NKAIN2: variants seen among roughly 807,000 people sequenced by gnomAD.
NKAIN2 encodes sodium/potassium transporting ATPase interacting 2, also known as sodium/potassium-transporting ATPase subunit beta-1-interacting protein 2.
Under a neutral mutation model 32.6 loss-of-function variants are expected in NKAIN2, and 14 were observed. The ratio of observed to expected loss-of-function variants is 0.43; its 90% CI spans 0.28 to 0.67. NKAIN2 has a LOEUF of 0.67. Ranked by LOEUF, NKAIN2 falls within the 30% of genes least tolerant of loss-of-function variation. The pLI is 0.17. For synonymous variants in NKAIN2, 80 were observed against 87.2 expected, an observed-to-expected ratio of 0.92 and a Z score of 0.46; for missense variants, 198 against 258.3, an observed-to-expected ratio of 0.77 and a Z score of 1.60.
At chr6:124,475,052 A>G (rs1003502129) in intron 3 of NKAIN2, among the ~76,000 whole-genome samples, 1 of 151,690 alleles carries the variant, frequency 6.6e-6, no homozygotes. Flanking sequence ...ATATAAAGTA[A>G]TGCATTGGTT....
At chr6:124,372,069 T>C (rs151295162) in intron 3 of NKAIN2, among the ~76,000 whole-genome samples, 14 of 152,158 alleles carry the variant, frequency 9.2e-5, no homozygotes, top group Non-Finnish European at 2.1e-4. Flanking sequence ...AGTAAAACAA[T>C]TACATATTTA....
intron 2 of NKAIN2, among the ~76,000 whole-genome samples, chr6:124,292,312 C>T (rs2753153): frequency 0.27 from 40,609 of 151,880 alleles, 6,888 homozygotes; most frequent in African/African-American, 0.48. Flanking sequence ...CTGGCAATTG[C>T]TTCATTCTGC....
At chr6:123,840,816 A>T (rs970457414) in intron 1 of NKAIN2, among the ~76,000 whole-genome samples, 1 of 152,154 alleles carries the variant, frequency 6.6e-6, no homozygotes. Flanking sequence ...CATTAATTAC[A>T]CTTGATATTT....
chr6:123,998,431 A>G (rs937956673), intron 1 of NKAIN2, among the ~76,000 whole-genome samples: 2 of 152,170 alleles, frequency 1.3e-5, no homozygotes, highest in African/African-American at 2.4e-5. Context: ...GCTCATGCCA[A>G]TTTGGTTCCC....
chr6:124,128,271 A>G (rs1306075000), intron 1 of NKAIN2, among the ~76,000 whole-genome samples: 1 of 152,110 alleles, frequency 6.6e-6, no homozygotes, highest in Non-Finnish European at 1.5e-5. Flanking sequence ...TGCAGTTGAA[A>G]TTTTCTGATG....
intron 1 of NKAIN2, among the ~76,000 whole-genome samples, chr6:124,261,939 G>A (rs999216155): frequency 2.0e-5 from 3 of 151,856 alleles, no homozygotes; most frequent in African/African-American, 7.3e-5. Flanking sequence ...TTCAGGCTGG[G>A]TTGAGGGTCT....
chr6:124,505,939 C>A (rs963434528), intron 3 of NKAIN2, among the ~76,000 whole-genome samples: 1 of 151,884 alleles, frequency 6.6e-6, no homozygotes, highest in Non-Finnish European at 1.5e-5. Flanking sequence ...TTTGGGAGGC[C>A]GAGGCAGGCA....
chr6:123,851,335 C>T (rs1032388582), intron 1 of NKAIN2, among the ~76,000 whole-genome samples: 6 of 148,380 alleles, frequency 4.0e-5, no homozygotes, highest in East Asian at 2.0e-4. Context: ...CTACAACCTC[C>T]GCCTCCTAGG....
chr6:124,349,497 T>A (rs1041733302), intron 2 of NKAIN2, among the ~76,000 whole-genome samples: 6 of 152,202 alleles, frequency 3.9e-5, no homozygotes, highest in Non-Finnish European at 8.8e-5. Flanking sequence ...TTCCTATAGA[T>A]TGCATTAATT....
intron 1 of NKAIN2, among the ~76,000 whole-genome samples, chr6:124,085,626 A>G (rs566950818): frequency 3.3e-5 from 5 of 152,030 alleles, no homozygotes; most frequent in African/African-American, 1.2e-4. Flanking sequence ...ACTAAATGCA[A>G]TAAATATTTG....
intron 3 of NKAIN2, among the ~76,000 whole-genome samples, chr6:124,652,882 C>G (rs919144744): frequency 6.6e-5 from 10 of 152,164 alleles, no homozygotes; most frequent in African/African-American, 2.4e-4. Context: ...GGCTTCACTT[C>G]CCAACACTAT....
At chr6:124,693,120 C>A (rs550721465) in intron 4 of NKAIN2, among the ~76,000 whole-genome samples, 1 of 152,086 alleles carries the variant, frequency 6.6e-6, no homozygotes, top group East Asian at 1.9e-4. Flanking sequence ...GTATAGAATT[C>A]TCCTGCCTTG....
chr6:124,689,321 T>C (rs1303491967), intron 4 of NKAIN2, among the ~76,000 whole-genome samples: 4 of 152,270 alleles, frequency 2.6e-5, no homozygotes, highest in South Asian at 2.1e-4. Flanking sequence ...ATTTTTACCA[T>C]TGAGTTTTAA....
intron 1 of NKAIN2, among the ~76,000 whole-genome samples, chr6:123,927,425 C>T (rs1776050198): frequency 6.6e-6 from 1 of 152,172 alleles, no homozygotes; most frequent in African/African-American, 2.4e-5. Context: ...TAGCAAATAT[C>T]TTTCTGTAGA....
chr6:124,144,589 A>G (rs1053724592), intron 1 of NKAIN2, among the ~76,000 whole-genome samples: 3 of 152,178 alleles, frequency 2.0e-5, no homozygotes, highest in African/African-American at 7.2e-5. Context: ...AAAAAAAATA[A>G]AGAATCTTGA....
intron 1 of NKAIN2, among the ~76,000 whole-genome samples, chr6:124,033,554 A>C (rs533030981): frequency 6.6e-6 from 1 of 152,230 alleles, no homozygotes; most frequent in African/African-American, 2.4e-5. Context: ...TTTTTTTGAC[A>C]AAAGTTAAAT....
At chr6:124,658,068 GAAAA>G in intron 3 of NKAIN2, 114 bp from the exon 4 acceptor site, 1 of 657,414 alleles carries the variant, frequency 1.5e-6, no homozygotes, top group Non-Finnish European at 2.5e-6. Flanking sequence ...CATGGGGTAG[GAAAA>G]AAAAAACAAA....
At chr6:123,823,520 T>G (rs1582595727) in intron 1 of NKAIN2, 1 of 152,254 alleles carries the variant, frequency 6.6e-6, no homozygotes, top group South Asian at 2.1e-4. Context: ...TTTGAATTCT[T>G]TTGTACTTGA....
At chr6:123,984,458 A>G (rs1167339125) in intron 1 of NKAIN2, among the ~76,000 whole-genome samples, 4 of 152,186 alleles carry the variant, frequency 2.6e-5, no homozygotes, top group African/African-American at 9.7e-5. Flanking sequence ...ATACTGTAAT[A>G]TCAGTAATAT....
Sources: allele counts gnomAD v4.1 joint callset (sites outside exome capture counted in the v4.1 genomes callset), GRCh38; gene constraint gnomAD v4.1.1; transcripts MANE v1.5; gene names NCBI Gene and HGNC (gene_info 2026-07-23, HGNC 2026-07-21).